Variants in GLRA1 observed in about 807,000 individuals in gnomAD.
The protein encoded by GLRA1 is glycine receptor alpha 1.
Under a neutral mutation model 48.3 loss-of-function variants are expected in GLRA1, and 37 were observed. The observed-to-expected ratio is 0.77, with a 90% CI of 0.59 to 1.01. The LOEUF is 1.01. GLRA1 is among the 50% of genes least tolerant of loss of function. GLRA1 has a pLI of 0.00. For missense variants in GLRA1, 427 were observed against 571.0 expected, an observed-to-expected ratio of 0.75 and a Z score of 2.57; for synonymous variants, 196 against 210.7, an observed-to-expected ratio of 0.93 and a Z score of 0.60.
Position 151,852,741 on chromosome 5 carries a change from A to G in GLRA1, c.698-1137T>C, listed in dbSNP as rs78213082. 1.4e-3 allele frequency among the ~76,000 whole-genome samples: 210 copies of G among 152,358 alleles called. 2 individuals are homozygous for G. In the East Asian group the frequency reaches 0.015, roughly 11 times the overall value. ...TGCTGTGTACATTTAGGTTGTTTCC[A>G]TATCTTGGCTATTGTGAATATTACT... On this transcript the variant is annotated intron_variant, in intron 6 of 8. Transcript: ENST00000274576.
intron 3 of GLRA1, among the ~76,000 whole-genome samples, chr5:151,879,035 C>T (rs1753694974): frequency 6.6e-6 from 1 of 152,248 alleles, no homozygotes; most frequent in Non-Finnish European, 1.5e-5. Flanking sequence ...GGAAAAGCCA[C>T]AGACACTCAA....
rs1752908624 is a variant in GLRA1 at position 151,851,468 on chromosome 5, A to C, written c.834T>G (p.Pro278=). Residue 278 remains proline (P), a synonymous_variant, in exon 7 of 9, where the codon CCT becomes CCG. Transcript: ENST00000274576. ...ISFWINMDAA[P]ARVGLGITTV... ...TGGTGATGCCTAGGCCCACACGAGC[A>C]GGTGCAGCATCCATGTTGATCCAGA... The C allele has an allele frequency of 1.2e-6, 2 of 1,613,976 alleles. No homozygotes were observed. The highest frequency in any genetic ancestry group is 1.7e-6 in the Non-Finnish European group (2 of 1,179,956).
intron 2 of GLRA1, among the ~76,000 whole-genome samples, chr5:151,889,696 G>A (rs1056024154): frequency 2.0e-5 from 3 of 152,032 alleles, no homozygotes; most frequent in Non-Finnish European, 4.4e-5. Flanking sequence ...AGTCATAGGG[G>A]CCCTGATCCT....
chr5:151,825,774 G>A (rs1763255887), intron 8 of GLRA1, among the ~76,000 whole-genome samples: 1 of 152,186 alleles, frequency 6.6e-6, no homozygotes, highest in Admixed American at 6.5e-5. Context: ...GGAAGATGGT[G>A]GGAGTTGGGA....
chr5:151,922,658 C>T (rs1045183075), intron 1 of GLRA1, among the ~76,000 whole-genome samples: 1 of 152,346 alleles, frequency 6.6e-6, no homozygotes, highest in South Asian at 2.1e-4. Context: ...TTCTGTTAGG[C>T]CACCACCAGC....
intron 8 of GLRA1, among the ~76,000 whole-genome samples, chr5:151,826,286 T>C (rs780208764): frequency 3.9e-5 from 6 of 152,196 alleles, no homozygotes; most frequent in Non-Finnish European, 8.8e-5. Context: ...TAAGTCCAGA[T>C]TTTAAAAACA....
At position 151,907,535 on chromosome 5, in the gene GLRA1, G is replaced by A. The variant is rs79895502; in HGVS notation, c.57-15097C>T. Among the ~76,000 whole-genome samples, 1,332 of 152,342 alleles carry A rather than the reference G, an allele frequency of 8.7e-3. 18 individuals are homozygous for A. Among genetic ancestry groups the A allele is most frequent in the African/African-American group, 0.031 (1,281 of 41,578 alleles). ...ATAGAATAGACATTATTGGGAGAAAGATTAGAACCACACAGCTAATAAATC... is the reference window on the plus strand; with the variant it reads ...ATAGAATAGACATTATTGGGAGAAAAATTAGAACCACACAGCTAATAAATC... On this transcript the variant is annotated intron_variant, in intron 1 of 8. Coordinates refer to ENST00000274576, the MANE Select transcript of GLRA1 (RefSeq NM_000171.4).
intron 8 of GLRA1, 94 bp from the exon 9 acceptor site, chr5:151,823,057 A>T (rs963330260): frequency 1.8e-6 from 2 of 1,133,038 alleles, no homozygotes; most frequent in African/African-American, 3.1e-5. Flanking sequence ...GGCCATGCCT[A>T]TCTGGTTCTC....
chr5:151,868,891 A>G (rs537044469), intron 3 of GLRA1, among the ~76,000 whole-genome samples: 17 of 152,206 alleles, frequency 1.1e-4, no homozygotes, highest in Admixed American at 2.0e-4. Context: ...AATTTCTCCT[A>G]AGTCACCATG....
chr5:151,832,611 A>G (rs1212516096), intron 7 of GLRA1, among the ~76,000 whole-genome samples: 2 of 152,210 alleles, frequency 1.3e-5, no homozygotes, highest in Non-Finnish European at 2.9e-5. Context: ...AAAAGAATGA[A>G]AAGGAACAAA....
At chr5:151,874,607 A>G (rs1753578479) in intron 3 of GLRA1, among the ~76,000 whole-genome samples, 1 of 152,212 alleles carries the variant, frequency 6.6e-6, no homozygotes, top group South Asian at 2.1e-4. Flanking sequence ...GAAAAAGCCA[A>G]TAAGGCAACA....
chr5:151,871,569 CT>C (rs1242924982), intron 3 of GLRA1, among the ~76,000 whole-genome samples: 1 of 127,546 alleles, frequency 7.8e-6, no homozygotes, highest in Admixed American at 7.5e-5. Context: ...TTTTTTTTTT[CT>C]TTTTTTTTGA....
At chr5:151,824,865 A>G (rs771719467) in intron 8 of GLRA1, among the ~76,000 whole-genome samples, 2 of 148,752 alleles carry the variant, frequency 1.3e-5, no homozygotes, top group Non-Finnish European at 3.0e-5. Flanking sequence ...ATATGAACAT[A>G]GTCCCTGGTT....
chr5:151,859,528 C>T (rs1753138918), intron 4 of GLRA1, among the ~76,000 whole-genome samples: 1 of 152,208 alleles, frequency 6.6e-6, no homozygotes, highest in Admixed American at 6.5e-5. Flanking sequence ...GTAACTTCAA[C>T]CCCACTTTCT....
In GLRA1 at chr5:151,902,979, T is replaced by TATGTGAGAACAA. The variant is rs1754399931; in HGVS notation, c.57-10553_57-10542dup. Among the ~76,000 whole-genome samples the TATGTGAGAACAA allele has an allele frequency of 2.0e-5, 3 of 152,284 alleles. No homozygotes were observed. The South Asian group carries it at 6.2e-4, about 32-fold the overall frequency. On this transcript the variant is annotated intron_variant, in intron 1 of 8. Transcript: ENST00000274576. Reference sequence around the variant, plus strand: ...GCTCTCAAACTAGTAGAGGAAAACTTATGTGAGAACAAATAAGTGCTTTAA... The same window carrying TATGTGAGAACAA: ...GCTCTCAAACTAGTAGAGGAAAACTTATGTGAGAACAAATGTGAGAACAAATAAGTGCTTTAA...
intron 3 of GLRA1, among the ~76,000 whole-genome samples, chr5:151,862,634 G>A (rs1371087660): frequency 6.6e-6 from 1 of 152,186 alleles, no homozygotes; most frequent in African/African-American, 2.4e-5. Flanking sequence ...ATCAATTAGG[G>A]AAATGTTAGA....
chr5:151,921,517 T>G (rs1341477677), intron 1 of GLRA1, among the ~76,000 whole-genome samples: 3 of 152,320 alleles, frequency 2.0e-5, no homozygotes, highest in Admixed American at 2.0e-4. Context: ...CAAAGAATTA[T>G]CCAGTTAAAA....
At chr5:151,841,217 A>G (rs891211600) in intron 7 of GLRA1, among the ~76,000 whole-genome samples, 1 of 152,156 alleles carries the variant, frequency 6.6e-6, no homozygotes, top group African/African-American at 2.4e-5. Context: ...CAATAACCAA[A>G]AGAAAGTTGG....
chr5:151,850,351 A>G (rs1014205692), intron 7 of GLRA1: 3 of 1,441,648 alleles, frequency 2.1e-6, no homozygotes, highest in African/African-American at 1.4e-5. Flanking sequence ...TTCATTTTGC[A>G]TCATGTATGT....
Sources: gnomAD v4.1 joint callset for allele counts (sites outside exome capture counted in the v4.1 genomes callset) on GRCh38, gnomAD v4.1.1 for gene constraint, MANE v1.5 for transcripts, NCBI Gene and HGNC (gene_info 2026-07-23, HGNC 2026-07-21) for gene names.